KCNH7: variants seen among roughly 807,000 people sequenced by gnomAD.
The protein encoded by KCNH7 is potassium voltage-gated channel subfamily H member 7.
A neutral mutation model predicts 120.8 loss-of-function variants in KCNH7; 49 were observed. The ratio of observed to expected loss-of-function variants is 0.41; its 90% CI spans 0.32 to 0.51. The LOEUF is 0.51. KCNH7 is among the 20% of genes least tolerant of loss of function. The pLI is 0.38. For synonymous variants in KCNH7, 547 were observed against 516.1 expected, an observed-to-expected ratio of 1.06 and a Z score of -0.81; for missense variants, 1,097 against 1,446.6, an observed-to-expected ratio of 0.76 and a Z score of 3.92.
chr2:162,639,457 C>T (rs917210124), intron 2 of KCNH7, among the ~76,000 whole-genome samples: 4 of 151,980 alleles, frequency 2.6e-5, no homozygotes, highest in Non-Finnish European at 4.4e-5. Context: ...AGAAATGGAT[C>T]GAGTGAGGAA....
At chr2:162,793,315 A>G (rs1326724280) in intron 2 of KCNH7, among the ~76,000 whole-genome samples, 1 of 151,918 alleles carries the variant, frequency 6.6e-6, no homozygotes, top group African/African-American at 2.4e-5. Context: ...GTGTAGGAGG[A>G]GGGAGGGGAT....
At chr2:162,454,421 C>G (rs187570097) in intron 6 of KCNH7, among the ~76,000 whole-genome samples, 216 of 152,202 alleles carry the variant, frequency 1.4e-3, no homozygotes, top group African/African-American at 4.7e-3. Flanking sequence ...TTAGGATTGT[C>G]TTGGCTATAC....
intron 2 of KCNH7, among the ~76,000 whole-genome samples, chr2:162,541,255 T>G (rs946448453): frequency 6.6e-6 from 1 of 152,012 alleles, no homozygotes; most frequent in Admixed American, 6.6e-5. Flanking sequence ...GGATTACGTA[T>G]AAGGACTGGA....
chr2:162,616,089 T>A (rs1160455786), intron 2 of KCNH7, among the ~76,000 whole-genome samples: 17 of 152,188 alleles, frequency 1.1e-4, no homozygotes, highest in Admixed American at 1.0e-3. Context: ...TACCAAAGAT[T>A]CTGATTGTGT....
At chr2:162,436,658 A>G (rs2105525393) in intron 7 of KCNH7, among the ~76,000 whole-genome samples, 1 of 152,222 alleles carries the variant, frequency 6.6e-6, no homozygotes, top group African/African-American at 2.4e-5. Flanking sequence ...GAGTTATTTT[A>G]TCTGTTCATT....
chr2:162,806,422 G>A (rs1684541072), intron 2 of KCNH7, among the ~76,000 whole-genome samples: 1 of 152,072 alleles, frequency 6.6e-6, no homozygotes. Flanking sequence ...TGTTATGCCA[G>A]AAAATAGTAA....
intron 2 of KCNH7, among the ~76,000 whole-genome samples, chr2:162,712,844 GTTC>G (rs1686974134): frequency 6.6e-6 from 1 of 152,178 alleles, no homozygotes; most frequent in African/African-American, 2.4e-5. Flanking sequence ...CAGAAGAAAA[GTTC>G]TTCTTACTTC....
At chr2:162,838,343 G>A in intron 1 of KCNH7, 100 bp downstream of exon 1, 2 of 925,516 alleles carry the variant, frequency 2.2e-6, no homozygotes. Context: ...TAAGTTGACA[G>A]AGCCTGGAGT....
chr2:162,626,608 C>T (rs1683570100), intron 2 of KCNH7, among the ~76,000 whole-genome samples: 1 of 152,106 alleles, frequency 6.6e-6, no homozygotes, highest in African/African-American at 2.4e-5. Flanking sequence ...CAAATTCAGT[C>T]ATAAAATCTG....
At chr2:162,514,724 T>G (rs1318454626) in intron 4 of KCNH7, among the ~76,000 whole-genome samples, 1 of 151,790 alleles carries the variant, frequency 6.6e-6, no homozygotes, top group Non-Finnish European at 1.5e-5. Context: ...ACAAATGTAT[T>G]GGTCAGTGAT....
At chr2:162,718,098 T>G (rs1416352616) in intron 2 of KCNH7, among the ~76,000 whole-genome samples, 1 of 151,598 alleles carries the variant, frequency 6.6e-6, no homozygotes, top group African/African-American at 2.4e-5. Flanking sequence ...GACAGGAGAG[T>G]ACCCAGGAAG....
chr2:162,644,228 C>T (rs1684271335), intron 2 of KCNH7, among the ~76,000 whole-genome samples: 1 of 152,048 alleles, frequency 6.6e-6, no homozygotes, highest in Non-Finnish European at 1.5e-5. Context: ...ACCTGTTTCT[C>T]TGAAAGGAAA....
At chr2:162,484,905 GA>G (rs1690045359) in intron 6 of KCNH7, among the ~76,000 whole-genome samples, 1 of 152,136 alleles carries the variant, frequency 6.6e-6, no homozygotes, top group Non-Finnish European at 1.5e-5. Context: ...GCCCTCACCA[GA>G]TGCAGATGCC....
rs778362235 is a variant in KCNH7, at chr2:162,400,469, C to T, written c.2155-28G>A. ...GAGGAAAAAAAGAAAGAGTTTCATA[C>T]TACCAGTGTTCTGGGTATCTCTGCC... On this transcript the variant is annotated intron_variant, in intron 9 of 15. Transcript: ENST00000332142. 3.7e-6 allele frequency: 6 copies of T among 1,608,224 alleles called. No individual in the cohort carries two copies. The East Asian group carries it at 8.9e-5, about 24-fold the overall frequency.
intron 6 of KCNH7, among the ~76,000 whole-genome samples, chr2:162,475,632 G>A (rs545713669): frequency 2.6e-5 from 4 of 152,100 alleles, no homozygotes; most frequent in African/African-American, 4.8e-5. Context: ...TGATTTTCAC[G>A]ATATAGGATA....
In KCNH7 at chr2:162,536,952, G is replaced by A. The variant is rs753793201; in HGVS notation, c.436C>T (p.Pro146Ser). ...TTTACAGTTTTGATTGGTAATATTG[G>A]GTTTACCCTCTCTGGGGTGGCAGCG... ...ENAATPERVN[P>S]ILPIKTVNRK... Residue 146 changes from proline to serine, a missense_variant, in exon 3 of 16, where the codon CCA becomes TCA. Pro to Ser is a moderately conservative substitution (Grantham distance 74, BLOSUM62 -1). Around this residue, in one of 8 missense-constraint regions of KCNH7, gnomAD observed 362 missense variants for 372.2 expected, o/e 0.97. Transcript: ENST00000332142. 6.2e-7 allele frequency: 1 copy of A among 1,612,426 alleles called. No individual in the cohort carries two copies. Among genetic ancestry groups the A allele is most frequent in the Admixed American group, 1.7e-5 (1 of 59,908 alleles).
Position 162,504,791 on chromosome 2 carries a change from C to T in KCNH7, c.914-134G>A, listed in dbSNP as rs1248530321. 3 of 632,570 alleles carry T rather than the reference C, an allele frequency of 4.7e-6. No homozygotes were observed. The African/African-American group carries it at 5.5e-5, about 12-fold the overall frequency. The allele number at this position is 632,570 out of a possible 1,614,324, so 39.2% of individuals were successfully genotyped here. On this transcript the variant is annotated intron_variant, in intron 5 of 15. Coordinates refer to ENST00000332142, the MANE Select transcript of KCNH7 (RefSeq NM_033272.4). ...TGTGACTGAATGCAGCCAGCTTATA[C>T]CTGGACACAGGGCTTAGGGTCACCT...
intron 6 of KCNH7, among the ~76,000 whole-genome samples, chr2:162,456,990 T>A (rs1688984872): frequency 6.6e-6 from 1 of 152,146 alleles, no homozygotes; most frequent in Non-Finnish European, 1.5e-5. Flanking sequence ...TGTTTCCCTT[T>A]AATTTGTTTG....
At chr2:162,787,117 C>T (rs753378236) in intron 2 of KCNH7, among the ~76,000 whole-genome samples, 9 of 152,022 alleles carry the variant, frequency 5.9e-5, no homozygotes, top group African/African-American at 2.2e-4. Context: ...CTAGGCCCTG[C>T]AGACCCAAGC....
Sources: allele counts gnomAD v4.1 joint callset (sites outside exome capture counted in the v4.1 genomes callset), GRCh38; gene constraint gnomAD v4.1.1; regional missense constraint gnomAD v4.1.1; transcripts MANE v1.5; gene names NCBI Gene and HGNC (gene_info 2026-07-23, HGNC 2026-07-21).